The following CHST1 variants were observed in gnomAD, a reference collection of about 807,000 sequenced individuals.
The protein encoded by CHST1 is carbohydrate sulfotransferase 1, also known as Keratan sulfotransferase.
In CHST1, 10 loss-of-function variants were observed where a neutral mutation model predicts 22.5. That is an observed-to-expected ratio of 0.44 (90% CI 0.27 to 0.75). CHST1 has a LOEUF of 0.75. Among genes scored for constraint, CHST1 ranks in the 30% least tolerant of loss-of-function variants. The probability of loss-of-function intolerance (pLI) is 0.15; values close to 1 mark genes in which losing one functional copy is unlikely to be tolerated. For synonymous variants in CHST1, 267 were observed against 264.5 expected (o/e 1.01, Z -0.09); for missense variants, 439 against 576.1 (o/e 0.76, Z 2.44).
chr11:45,656,297 A>G (rs1852061659), intron 1 of CHST1, among the ~76,000 whole-genome samples: 1 of 152,192 alleles, frequency 6.6e-6, no homozygotes, highest in Admixed American at 6.5e-5. Flanking sequence ...CATTATTAAC[A>G]TGTCCAGGGA....
chr11:45,654,327 AG>A (rs1021964049), intron 1 of CHST1, among the ~76,000 whole-genome samples: 35 of 152,334 alleles, frequency 2.3e-4, no homozygotes, highest in African/African-American at 7.9e-4. Context: ...CGGCCTCACA[AG>A]GTGTGGCCTG....
In CHST1 at chr11:45,649,554, T is replaced by G. The variant is rs1851962028; in HGVS notation, c.*134A>C. ...GAGACAAAAAAGGGGCAGAAGGGAG[T>G]GGGGTGAGCTGGGGGCAGGAAGGAC... On this transcript the variant is annotated 3_prime_UTR_variant, in exon 4 of 4. Coordinates refer to ENST00000308064, the MANE Select transcript of CHST1 (RefSeq NM_003654.6). 2 of 885,898 alleles carry G rather than the reference T, an allele frequency of 2.3e-6. No individual in the cohort carries two copies. The highest frequency in any genetic ancestry group is 2.5e-5 in the Admixed American group (1 of 40,460). The allele number at this position is 885,898 out of a possible 1,614,324, so 54.9% of individuals were successfully genotyped here.
At position 45,649,472 on chromosome 11, in the gene CHST1, C is replaced by G. The variant is rs1851961020; in HGVS notation, c.*216G>C. 1.8e-6 allele frequency: 1 copy of G among 558,490 alleles called. No individual in the cohort carries two copies. Among genetic ancestry groups the G allele is most frequent in the Admixed American group, 3.4e-5 (1 of 29,026 alleles). The allele number at this position is 558,490 out of a possible 1,614,324, so 34.6% of individuals were successfully genotyped here. A position where few individuals can be genotyped will look rare whatever the true frequency, so the allele number is the denominator to read the frequency against. On this transcript the variant is annotated 3_prime_UTR_variant, in exon 4 of 4. Transcript: ENST00000308064. ...GAATGGGGGGGGGGGGGGCGGGACC[C>G]TACTTCAGGCGCCCTCTGCCCCAGT...
intron 1 of CHST1, among the ~76,000 whole-genome samples, chr11:45,655,681 C>T (rs45520135): frequency 1.3e-5 from 2 of 152,358 alleles, no homozygotes; most frequent in Admixed American, 6.5e-5. Flanking sequence ...GGGCCTCTCC[C>T]GCTCATCTCA....
At chr11:45,657,425 T>C (rs745415786) in intron 1 of CHST1, among the ~76,000 whole-genome samples, 1 of 152,102 alleles carries the variant, frequency 6.6e-6, no homozygotes. Context: ...AAGGGAAATA[T>C]TTCATTTACT....
chr11:45,661,095 G>T (rs897332518), intron 1 of CHST1, among the ~76,000 whole-genome samples: 2 of 152,234 alleles, frequency 1.3e-5, no homozygotes, highest in Non-Finnish European at 2.9e-5. Context: ...GGAAACGCAG[G>T]CAGGGTAATA....
At chr11:45,659,605 G>A (rs1852104504) in intron 1 of CHST1, among the ~76,000 whole-genome samples, 1 of 152,096 alleles carries the variant, frequency 6.6e-6, no homozygotes, top group African/African-American at 2.4e-5. Flanking sequence ...TCCCTCCCCA[G>A]CTGAACGACA....
At chr11:45,657,828 C>T (rs1258570816) in intron 1 of CHST1, among the ~76,000 whole-genome samples, 2 of 152,208 alleles carry the variant, frequency 1.3e-5, no homozygotes, top group Non-Finnish European at 2.9e-5. Context: ...TGGACCACCA[C>T]AAACATGGTA....
chr11:45,649,310 A>T lies in CHST1; in HGVS notation c.*378T>A, dbSNP rs1851957337. 4.4e-6 allele frequency: 1 copy of T among 226,654 alleles called. No individual in the cohort carries two copies. The highest frequency in any genetic ancestry group is 8.6e-6 in the Non-Finnish European group (1 of 116,270). The allele number at this position is 226,654 out of a possible 1,614,324, so 14.0% of individuals were successfully genotyped here. A position where few individuals can be genotyped will look rare whatever the true frequency, so the allele number is the denominator to read the frequency against. On this transcript the variant is annotated 3_prime_UTR_variant, in exon 4 of 4. Transcript: ENST00000308064. ...CCTTGAATAGTAAGACAGTGCAAAA[A>T]CTAGATACCCGACCACTCACCCATT...
chr11:45,658,572 G>A (rs1449618295), intron 1 of CHST1, among the ~76,000 whole-genome samples: 1 of 152,108 alleles, frequency 6.6e-6, no homozygotes, highest in African/African-American at 2.4e-5. Flanking sequence ...TGGGAGGGGG[G>A]TGGTCCCAGG....
chr11:45,657,518 G>C (rs1042210613), intron 1 of CHST1, among the ~76,000 whole-genome samples: 6 of 152,242 alleles, frequency 3.9e-5, no homozygotes, highest in African/African-American at 1.4e-4. Flanking sequence ...TCCAGTGCAA[G>C]ATTTCTCCCA....
intron 1 of CHST1, among the ~76,000 whole-genome samples, chr11:45,663,286 G>A (rs910460341): frequency 2.0e-5 from 3 of 152,108 alleles, no homozygotes; most frequent in Non-Finnish European, 4.4e-5. Context: ...CCTCCGATGC[G>A]GCCTGACACA....
chr11:45,653,852 C>T (rs113782002), intron 1 of CHST1, among the ~76,000 whole-genome samples: 2 of 152,154 alleles, frequency 1.3e-5, no homozygotes, highest in African/African-American at 4.8e-5. Context: ...ATCAGCTCAT[C>T]GCACCCTCAT....
Position 45,649,359 on chromosome 11 carries a change from C to A in CHST1, c.*329G>T, listed in dbSNP as rs1430582333. The A allele has an allele frequency of 1.2e-5, 4 of 327,004 alleles. No homozygotes were observed. In the Admixed American group the frequency reaches 1.8e-4, roughly 15 times the overall value. 20.3% of individuals were successfully genotyped at this position (327,004 alleles called of 1,614,324 possible). On this transcript the variant is annotated 3_prime_UTR_variant, in exon 4 of 4. Coordinates refer to ENST00000308064, the MANE Select transcript of CHST1 (RefSeq NM_003654.6). ...TTCAAAAGCTTGAGAAGTCGCCTCG[C>A]GAGTGCCCGTGTGCGTGTGTGGATG...
rs1339037350 is a variant in CHST1 at position 45,649,659 on chromosome 11, G to A, written c.*29C>T. On this transcript the variant is annotated 3_prime_UTR_variant, in exon 4 of 4. Transcript: ENST00000308064. ...CATTTTATCAAAACCGACACCTTGC[G>A]CCTCCCGCCCCCACCCGCACCGCCC... 1.3e-6 allele frequency: 2 copies of A among 1,513,840 alleles called. No individual in the cohort carries two copies. The highest frequency in any genetic ancestry group is 2.2e-5 in the Admixed American group (1 of 45,864). 93.8% of individuals were successfully genotyped at this position (1,513,840 alleles called of 1,614,324 possible). A position where few individuals can be genotyped will look rare whatever the true frequency, so the allele number is the denominator to read the frequency against.
chr11:45,664,415 T>G (rs1852171598), intron 1 of CHST1, among the ~76,000 whole-genome samples: 1 of 151,484 alleles, frequency 6.6e-6, no homozygotes, highest in African/African-American at 2.4e-5. Flanking sequence ...AGGCCCGGGG[T>G]GGGGGAGGGG....
intron 1 of CHST1, among the ~76,000 whole-genome samples, chr11:45,660,991 G>T (rs1249308117): frequency 6.6e-6 from 1 of 152,228 alleles, no homozygotes; most frequent in Non-Finnish European, 1.5e-5. Flanking sequence ...GGAACCCTGT[G>T]CCCCCATGTG....
At chr11:45,652,115 G>C (rs1852006296) in intron 2 of CHST1, 25 bp from the exon 3 acceptor site, 1 of 152,380 alleles carries the variant, frequency 6.6e-6, no homozygotes, top group Non-Finnish European at 1.5e-5. Context: ...GAGGGGAAGG[G>C]CTCAGAAGGT....
Position 45,649,556 on chromosome 11 carries a change from G to A in CHST1, c.*132C>T, listed in dbSNP as rs376732460. 1.1e-5 allele frequency: 10 copies of A among 933,736 alleles called. 1 individual carries two copies. The African/African-American group carries it at 1.6e-4, about 15-fold the overall frequency. The allele number at this position is 933,736 out of a possible 1,614,324, so 57.8% of individuals were successfully genotyped here. On this transcript the variant is annotated 3_prime_UTR_variant, in exon 4 of 4. Coordinates refer to ENST00000308064, the MANE Select transcript of CHST1 (RefSeq NM_003654.6). The stretch of plus-strand genomic sequence containing the variant: ...GACAAAAAAGGGGCAGAAGGGAGTG[G>A]GGTGAGCTGGGGGCAGGAAGGACAC...
Sources: allele counts gnomAD v4.1 joint callset (sites outside exome capture counted in the v4.1 genomes callset), GRCh38; gene constraint gnomAD v4.1.1; transcripts MANE v1.5; gene names NCBI Gene and HGNC (gene_info 2026-07-23, HGNC 2026-07-21).